The following ZNF385D variants were observed in gnomAD, a reference collection of about 807,000 sequenced individuals.
The protein encoded by ZNF385D is zinc finger protein 659.
Under a neutral mutation model 35.8 loss-of-function variants are expected in ZNF385D, and 15 were observed. That is an observed-to-expected ratio of 0.42 (90% CI 0.28 to 0.64). The LOEUF is 0.64. Among genes scored for constraint, ZNF385D ranks in the 30% least tolerant of loss-of-function variants. The pLI, the probability that ZNF385D is intolerant of heterozygous loss-of-function variation, is 0.23. For missense variants in ZNF385D, 474 were observed against 494.6 expected (o/e 0.96, Z 0.39); for synonymous variants, 212 against 186.8 (o/e 1.13, Z -1.10).
At chr3:21,724,477 C>CCAAA (rs2068670605) in intron 1 of ZNF385D, among the ~76,000 whole-genome samples, 3 of 52,024 alleles carry the variant, frequency 5.8e-5, no homozygotes, top group African/African-American at 4.7e-4. Context: ...AATGGAAAGC[C>CCAAA]AAAAAAAAAA....
intron 1 of ZNF385D, among the ~76,000 whole-genome samples, chr3:21,710,131 T>C (rs1369336998): frequency 6.6e-6 from 1 of 151,596 alleles, no homozygotes; most frequent in African/African-American, 2.4e-5. Flanking sequence ...CTTTCAGGAG[T>C]TGGGTATGGG....
At chr3:21,854,741 AC>A (rs1324032714) in intron 3 of ZNF385D, among the ~76,000 whole-genome samples, 4 of 151,894 alleles carry the variant, frequency 2.6e-5, no homozygotes, top group African/African-American at 9.7e-5. Flanking sequence ...GTCTGTCATA[AC>A]TTTTGGCATT....
At chr3:21,767,103 A>T (rs1465257825) in intron 3 of ZNF385D, among the ~76,000 whole-genome samples, 3 of 143,200 alleles carry the variant, frequency 2.1e-5, no homozygotes, top group Non-Finnish European at 4.5e-5. Context: ...CACTCTAGCT[A>T]TTTCTGTCTC....
At chr3:21,666,775 C>T (rs1413582833) in intron 1 of ZNF385D, among the ~76,000 whole-genome samples, 1 of 152,120 alleles carries the variant, frequency 6.6e-6, no homozygotes, top group African/African-American at 2.4e-5. Context: ...GATGGTACAT[C>T]TTTAAAAAAC....
Position 21,424,318 on chromosome 3 carries a change from T to TATATA in ZNF385D, c.853-255_853-254insTATAT, listed in dbSNP as rs375587956. 7.1e-3 allele frequency among the ~76,000 whole-genome samples: 295 copies of TATATA among 41,782 alleles called. 6 individuals carry two copies. The highest frequency in any genetic ancestry group is 0.025 in the African/African-American group (252 of 9,976). 27.4% of individuals were successfully genotyped at this position (41,782 alleles called of 152,430 possible). ...ATATATATTTATATATATATATATA[T>TATATA]TTTTTTTTTTTTTTGAGATGGAGTC... On this transcript the variant is annotated intron_variant, in intron 6 of 7. Coordinates refer to ENST00000281523, the MANE Select transcript of ZNF385D (RefSeq NM_024697.3).
In ZNF385D at chr3:21,468,059, T is replaced by C. The variant is rs538078178; in HGVS notation, c.440-30856A>G. 3.3e-5 allele frequency among the ~76,000 whole-genome samples: 5 copies of C among 152,136 alleles called. No homozygotes were observed. In the East Asian group the frequency reaches 5.8e-4, roughly 18 times the overall value. ...TGAAATATACTCCTAAACTAGAACA[T>C]AGTAATTCCATTTCTAGGTATTTAC... On this transcript the variant is annotated intron_variant, in intron 4 of 7. Coordinates refer to ENST00000281523, the MANE Select transcript of ZNF385D (RefSeq NM_024697.3).
intron 3 of ZNF385D, among the ~76,000 whole-genome samples, chr3:22,082,430 C>A (rs967013179): frequency 6.6e-6 from 1 of 152,164 alleles, no homozygotes; most frequent in African/African-American, 2.4e-5. Flanking sequence ...GTCCCATGCC[C>A]AGGGAGACTT....
intron 3 of ZNF385D, among the ~76,000 whole-genome samples, chr3:22,043,875 T>G (rs1198934045): frequency 6.6e-6 from 1 of 152,076 alleles, no homozygotes; most frequent in Non-Finnish European, 1.5e-5. Flanking sequence ...CTGGCTTCCC[T>G]AAGAAGATGA....
At chr3:21,668,369 G>C (rs868804435) in intron 1 of ZNF385D, among the ~76,000 whole-genome samples, 2 of 152,162 alleles carry the variant, frequency 1.3e-5, no homozygotes, top group Middle Eastern at 6.8e-3. Flanking sequence ...TGGCATCTAG[G>C]GTAGGCTGAG....
chr3:21,587,550 T>C (rs921561352), intron 2 of ZNF385D, among the ~76,000 whole-genome samples: 1 of 152,194 alleles, frequency 6.6e-6, no homozygotes, highest in African/African-American at 2.4e-5. Flanking sequence ...GACAAGGGAA[T>C]TAGTTCATAT....
intron 3 of ZNF385D, among the ~76,000 whole-genome samples, chr3:21,919,259 G>A (rs1700339018): frequency 6.6e-6 from 1 of 152,158 alleles, no homozygotes; most frequent in South Asian, 2.1e-4. Flanking sequence ...TTGGCACTAG[G>A]AGTTCAAAGA....
chr3:21,447,688 C>T (rs1421334519), intron 4 of ZNF385D, among the ~76,000 whole-genome samples: 1 of 152,120 alleles, frequency 6.6e-6, no homozygotes, highest in Non-Finnish European at 1.5e-5. Context: ...ATCTTGAAAG[C>T]TTTTACTAAT....
chr3:22,173,251 G>A (rs930530393), intron 2 of ZNF385D, among the ~76,000 whole-genome samples: 2 of 152,114 alleles, frequency 1.3e-5, no homozygotes, highest in African/African-American at 4.8e-5. Context: ...TATCCTGGAT[G>A]GGGCCTTGAA....
At chr3:21,991,596 G>T (rs1695151586) in intron 3 of ZNF385D, among the ~76,000 whole-genome samples, 1 of 152,194 alleles carries the variant, frequency 6.6e-6, no homozygotes, top group Admixed American at 6.5e-5. Flanking sequence ...CCACAAATAA[G>T]AATGCTCTAG....
chr3:21,912,302 A>T (rs1700000310), intron 3 of ZNF385D, among the ~76,000 whole-genome samples: 1 of 148,802 alleles, frequency 6.7e-6, no homozygotes, highest in Non-Finnish European at 1.5e-5. Flanking sequence ...TTGTTGCAGT[A>T]GTTCTAATAA....
intron 3 of ZNF385D, among the ~76,000 whole-genome samples, chr3:21,804,666 C>A (rs998678727): frequency 1.3e-5 from 2 of 152,166 alleles, no homozygotes; most frequent in Non-Finnish European, 2.9e-5. Context: ...ATTTTAGTCT[C>A]TCTTGTCCTC....
chr3:21,714,472 G>A (rs1575516211), intron 1 of ZNF385D, among the ~76,000 whole-genome samples: 1 of 152,086 alleles, frequency 6.6e-6, no homozygotes, highest in East Asian at 1.9e-4. Flanking sequence ...TCTTATCTGT[G>A]CCTACCTACT....
intron 2 of ZNF385D, among the ~76,000 whole-genome samples, chr3:22,297,246 C>T (rs955059570): frequency 6.6e-5 from 10 of 152,066 alleles, no homozygotes; most frequent in African/African-American, 2.4e-4. Context: ...CAGATCCCCC[C>T]AATAGGACCT....
chr3:22,036,456 C>G (rs765936184), intron 3 of ZNF385D, among the ~76,000 whole-genome samples: 2 of 151,554 alleles, frequency 1.3e-5, no homozygotes, highest in African/African-American at 2.4e-5. Context: ...ACTGACCTAT[C>G]GAGAAATTCA....
Sources: gnomAD v4.1 joint callset for allele counts (sites outside exome capture counted in the v4.1 genomes callset) on GRCh38, gnomAD v4.1.1 for gene constraint, MANE v1.5 for transcripts, NCBI Gene and HGNC (gene_info 2026-07-23, HGNC 2026-07-21) for gene names.